LAMA1: variants seen among roughly 807,000 people sequenced by gnomAD.
The protein encoded by LAMA1 is laminin subunit alpha-1.
In LAMA1, 219 loss-of-function variants were observed where a neutral mutation model predicts 348.7. The ratio of observed to expected loss-of-function variants is 0.63; its 90% CI spans 0.56 to 0.70. LAMA1 has a LOEUF of 0.70. Ranked by LOEUF, LAMA1 falls within the 30% of genes least tolerant of loss-of-function variation. The pLI, the probability that LAMA1 is intolerant of heterozygous loss-of-function variation, is 0.00. For missense variants in LAMA1, 3,744 were observed against 3,888.0 expected, an observed-to-expected ratio of 0.96 and a Z score of 0.99; for synonymous variants, 1,487 against 1,491.0, an observed-to-expected ratio of 1.00 and a Z score of 0.06.
intron 19 of LAMA1, among the ~76,000 whole-genome samples, 163 bp from the exon 20 acceptor site, chr18:7,017,547 CT>C (rs1341205955): frequency 1.4e-4 from 21 of 152,118 alleles, no homozygotes; most frequent in Admixed American, 1.4e-3. Context: ...TAGCATTTTT[CT>C]GAAGAGTAAA....
intron 19 of LAMA1, among the ~76,000 whole-genome samples, chr18:7,018,747 T>C (rs979012030): frequency 1.3e-5 from 2 of 152,084 alleles, no homozygotes; most frequent in Non-Finnish European, 1.5e-5. Context: ...GTGTGTGTCA[T>C]GACATAACAA....
intron 35 of LAMA1, 83 bp downstream of exon 35, chr18:6,993,558 A>C: frequency 1.0e-6 from 1 of 1,002,710 alleles, no homozygotes; most frequent in Non-Finnish European, 1.6e-6. Context: ...AGAGATATAC[A>C]TCTATTCATA....
chr18:7,076,618 G>A (rs889717343), intron 3 of LAMA1, among the ~76,000 whole-genome samples: 2 of 149,954 alleles, frequency 1.3e-5, no homozygotes, highest in African/African-American at 2.5e-5. Flanking sequence ...GATTTAAGAA[G>A]CATAGCAATC....
At chr18:7,072,375 C>T (rs561405512) in intron 3 of LAMA1, among the ~76,000 whole-genome samples, 3 of 152,268 alleles carry the variant, frequency 2.0e-5, no homozygotes, top group East Asian at 3.9e-4. Context: ...TCACATTTCA[C>T]TTTGTATATA....
rs577437887 is a variant in LAMA1, at chr18:7,077,571, GACTA to G, written c.345+2400_345+2403del. On this transcript the variant is annotated intron_variant, in intron 3 of 62. Transcript: ENST00000389658. ...GGAGACTGCCTTCTGGAATTCCTCA[GACTA>G]ACTTAGTCCATCCCTTCAGGATGAA... 2.6e-4 allele frequency among the ~76,000 whole-genome samples: 39 copies of G among 152,146 alleles called. No individual in the cohort carries two copies. In the East Asian group the frequency reaches 7.2e-3, roughly 28 times the overall value.
At chr18:6,989,887 C>A (rs945288706) in intron 36 of LAMA1, among the ~76,000 whole-genome samples, 2 of 152,158 alleles carry the variant, frequency 1.3e-5, no homozygotes, top group Non-Finnish European at 2.9e-5. Flanking sequence ...CCAGGCCTGC[C>A]TTGCAGATCC....
chr18:7,069,795 C>G (rs2058138452), intron 3 of LAMA1, among the ~76,000 whole-genome samples: 1 of 152,014 alleles, frequency 6.6e-6, no homozygotes, highest in South Asian at 2.1e-4. Flanking sequence ...CCCAGCTGCC[C>G]CAAACCCCCT....
intron 42 of LAMA1, among the ~76,000 whole-genome samples, 196 bp from the exon 43 acceptor site, chr18:6,978,574 T>A (rs537937904): frequency 6.6e-6 from 1 of 152,212 alleles, no homozygotes; most frequent in African/African-American, 2.4e-5. Context: ...TTGTTTCTAA[T>A]GGCAATATTA....
In LAMA1 at chr18:6,976,847, C is replaced by A. The variant is rs552750222; in HGVS notation, c.6346-767G>T. Reference sequence around the variant, plus strand: ...CTCATCTCAAACTCCCGGCCTCAAGCAATCCTCCCACCTCAACCTCCCAAA... The same window carrying A: ...CTCATCTCAAACTCCCGGCCTCAAGAAATCCTCCCACCTCAACCTCCCAAA... On this transcript the variant is annotated intron_variant, in intron 44 of 62. Transcript: ENST00000389658. Among the ~76,000 whole-genome samples, 53 of 152,194 alleles carry A rather than the reference C, an allele frequency of 3.5e-4. 1 individual carries two copies. In the South Asian group the frequency reaches 0.011, roughly 32 times the overall value.
chr18:7,007,794 T>C (rs1223285012), intron 28 of LAMA1, among the ~76,000 whole-genome samples: 1 of 152,176 alleles, frequency 6.6e-6, no homozygotes, highest in Non-Finnish European at 1.5e-5. Context: ...CAATGGAATA[T>C]TATTCAGCCT....
intron 3 of LAMA1, among the ~76,000 whole-genome samples, chr18:7,073,917 C>T (rs1017578547): frequency 8.0e-5 from 9 of 112,246 alleles, no homozygotes; most frequent in Middle Eastern, 4.3e-3. Flanking sequence ...TCACTGCAAC[C>T]TCCACCTCCC....
In LAMA1 at chr18:6,947,203, G is replaced by A; in HGVS notation, c.8804C>T (p.Ala2935Val). 1 of 1,614,198 alleles carries A rather than the reference G, an allele frequency of 6.2e-7. No homozygotes were observed. The highest frequency in any genetic ancestry group is 8.5e-7 in the Non-Finnish European group (1 of 1,180,036). Reference sequence around the variant, plus strand: ...CTCTAGTCCAATGGCATCCACTTTGGCAGTGCTGATCCCCAGGAGGACGCC... The same window carrying A: ...CTCTAGTCCAATGGCATCCACTTTGACAGTGCTGATCCCCAGGAGGACGCC... ...QNGVLLGISTAKVDAIGLELV... is the reference protein window; with the variant it reads ...QNGVLLGISTVKVDAIGLELV... Residue 2935 changes from alanine (A) to valine (V), a missense_variant, in exon 61 of 63, where the codon GCC becomes GTC. Around this residue, in one of 3 missense-constraint regions of LAMA1, gnomAD observed 232 missense variants for 264.4 expected, o/e 0.88. Coordinates refer to ENST00000389658, the MANE Select transcript of LAMA1 (RefSeq NM_005559.4).
intron 1 of LAMA1, among the ~76,000 whole-genome samples, chr18:7,098,345 G>GCCA (rs2058272203): frequency 6.6e-6 from 1 of 150,658 alleles, no homozygotes; most frequent in Non-Finnish European, 1.5e-5. Flanking sequence ...CTGCCTGGCT[G>GCCA]CCCAGTCTGG....
At chr18:7,075,663 C>T (rs768204168) in intron 3 of LAMA1, among the ~76,000 whole-genome samples, 1 of 151,872 alleles carries the variant, frequency 6.6e-6, no homozygotes, top group Admixed American at 6.6e-5. Flanking sequence ...CTAGGCTGGG[C>T]GCGGTGGCTT....
At chr18:6,965,117 C>A (rs1449034575) in intron 50 of LAMA1, among the ~76,000 whole-genome samples, 171 bp downstream of exon 50, 2 of 152,192 alleles carry the variant, frequency 1.3e-5, no homozygotes, top group Non-Finnish European at 2.9e-5. Context: ...TAACCCTCCT[C>A]CAGCAAAATG....
chr18:7,013,922 C>T lies in LAMA1; in HGVS notation c.3256G>A (p.Asp1086Asn), dbSNP rs201831309. The T allele has an allele frequency of 1.0e-4, 164 of 1,613,720 alleles. No individual in the cohort carries two copies. In the East Asian group the frequency reaches 2.4e-3, roughly 24 times the overall value. ...QCSLGYRDFPDCVPCDCDLRG... is the reference protein window; with the variant it reads ...QCSLGYRDFPNCVPCDCDLRG... The stretch of plus-strand genomic sequence containing the variant: ...AGGTCACAGTCACAGGGAACACAGT[C>T]GGGAAAGTCTCTGTAACCCAAGGAA... Residue 1086 changes from aspartate to asparagine, a missense_variant, in exon 23 of 63, where the codon GAC becomes AAC. Asp to Asn is a conservative substitution (Grantham distance 23). Around this residue, in one of 3 missense-constraint regions of LAMA1, gnomAD observed 1,529 missense variants for 1,689.4 expected, o/e 0.91. Transcript: ENST00000389658.
rs1600336029 is a variant in LAMA1, at chr18:6,943,381, C to T, written c.8866G>A (p.Gly2956Ser). Residue 2956 changes from glycine (G) to serine (S), a missense_variant, in exon 62 of 63, where the codon GGT becomes AGT. Gly to Ser is a moderately conservative substitution (Grantham distance 56). Coordinates refer to ENST00000389658, the MANE Select transcript of LAMA1 (RefSeq NM_005559.4). ...DGKVLFHVNN[G>S]AGRITAAYEP... ...TATGCAGCTGTTATCCTGCCAGCAC[C>T]ATTGTTGACATGGAACAAGACCTAA... is the stretch of plus-strand genomic sequence containing the variant. 6.2e-7 allele frequency: 1 copy of T among 1,614,110 alleles called. No homozygotes were observed. Among genetic ancestry groups the T allele is most frequent in the Non-Finnish European group, 8.5e-7 (1 of 1,180,024 alleles).
chr18:6,963,287 G>A (rs2057616985), intron 51 of LAMA1, among the ~76,000 whole-genome samples: 1 of 152,164 alleles, frequency 6.6e-6, no homozygotes, highest in African/African-American at 2.4e-5. Context: ...AGATGTACTA[G>A]GACATAGCCG....
intron 3 of LAMA1, among the ~76,000 whole-genome samples, chr18:7,067,496 G>A (rs541480201): frequency 7.9e-5 from 12 of 152,076 alleles, no homozygotes; most frequent in East Asian, 1.9e-4. Context: ...TCAGGACAGC[G>A]GTTCCTCTGG....
Sources: gnomAD v4.1 joint callset for allele counts (sites outside exome capture counted in the v4.1 genomes callset) on GRCh38, gnomAD v4.1.1 for gene constraint, gnomAD v4.1.1 regional missense constraint, MANE v1.5 for transcripts, NCBI Gene and HGNC (gene_info 2026-07-23, HGNC 2026-07-21) for gene names.